ZNF211: variants seen among roughly 807,000 people sequenced by gnomAD.
ZNF211 encodes zinc finger protein 211, also known as zinc finger protein C2H2-25.
In ZNF211, 18 loss-of-function variants were observed where a neutral mutation model predicts 12.1. The ratio of observed to expected loss-of-function variants is 1.48; its 90% CI spans 1.03 to 2.20. The LOEUF is 2.20. Ranked by LOEUF, ZNF211 falls within the 30% of genes most tolerant of loss-of-function variation. ZNF211 has a pLI of 0.00. For synonymous variants in ZNF211, 249 were observed against 246.0 expected, an observed-to-expected ratio of 1.01 and a Z score of -0.11; for missense variants, 677 against 703.1, an observed-to-expected ratio of 0.96 and a Z score of 0.42.
intron 3 of ZNF211, among the ~76,000 whole-genome samples, chr19:57,637,923 G>A (rs1982352660): frequency 6.9e-6 from 1 of 144,072 alleles, no homozygotes; most frequent in Non-Finnish European, 1.5e-5. Context: ...TCTTGAGACA[G>A]AGTATTGCTC....
intron 3 of ZNF211, chr19:57,639,900 T>C (rs1407464251): frequency 3.9e-6 from 6 of 1,531,224 alleles, no homozygotes; most frequent in Non-Finnish European, 5.2e-6. Context: ...ACATGTCCTG[T>C]CTTTCCCTTA....
chr19:57,633,646 A>G (rs899329463), intron 1 of ZNF211: 2 of 1,533,978 alleles, frequency 1.3e-6, no homozygotes, highest in Non-Finnish European at 8.7e-7. Flanking sequence ...GGGGGCATTC[A>G]GGAACCTGGG....
Position 57,633,285 on chromosome 19 carries a change from C to A in ZNF211, c.-62C>A, listed in dbSNP as rs1437131778. On this transcript the variant is annotated 5_prime_UTR_variant, in exon 1 of 4. Transcript: ENST00000240731. ...GGATCGAAGTGACGGACCGTGAAGGCGCGAGAGTCAGGTCTGAGGGTCGGG... is the reference window on the plus strand; with the variant it reads ...GGATCGAAGTGACGGACCGTGAAGGAGCGAGAGTCAGGTCTGAGGGTCGGG... The A allele has an allele frequency of 4.2e-6, 6 of 1,416,346 alleles. No individual in the cohort carries two copies. The East Asian group carries it at 1.3e-4, about 30-fold the overall frequency. The allele number at this position is 1,416,346 out of a possible 1,614,324, so 87.7% of individuals were successfully genotyped here.
Position 57,642,195 on chromosome 19 carries a change from A to G in ZNF211, c.*14A>G. ...GAAAAGCCTTAGCTGTACTGAGAAT[A>G]TGCAATTTCCTTTTAGTGTAATTAT... On this transcript the variant is annotated 3_prime_UTR_variant, in exon 4 of 4. Transcript: ENST00000240731. The G allele has an allele frequency of 4.4e-6, 7 of 1,573,958 alleles. No individual in the cohort carries two copies. Among genetic ancestry groups the G allele is most frequent in the Non-Finnish European group, 6.0e-6 (7 of 1,159,764 alleles).
At chr19:57,638,006 C>G (rs1310016624) in intron 3 of ZNF211, among the ~76,000 whole-genome samples, 1 of 150,100 alleles carries the variant, frequency 6.7e-6, no homozygotes, top group East Asian at 2.0e-4. Context: ...TCAAGCAATT[C>G]TCCTGCCTTG....
At position 57,633,389 on chromosome 19, in the gene ZNF211, C is replaced by G. The variant is rs760193898; in HGVS notation, c.43C>G (p.Leu15Val). The change falls in exon 1 of 4, where the codon CTC (leucine) becomes GTC (valine). Residue 15 changes from leucine (L) to valine (V), a missense_variant. Transcript: ENST00000240731. ...GGGTCGCCCGCAGCTCCCGGTCCAG[C>G]TCCGCCCACAGACTCGGATGGCGAC... Reference protein sequence around the residue: ...PPGRPQLPVQLRPQTRMATAL... With the variant: ...PPGRPQLPVQVRPQTRMATAL... 6.2e-7 allele frequency: 1 copy of G among 1,604,614 alleles called. No individual in the cohort carries two copies. Among genetic ancestry groups the G allele is most frequent in the South Asian group, 1.1e-5 (1 of 90,252 alleles).
chr19:57,640,192 A>G (rs1982709705), intron 3 of ZNF211: 3 of 1,157,122 alleles, frequency 2.6e-6, no homozygotes, highest in Admixed American at 2.9e-5. Flanking sequence ...TATTTCTACT[A>G]CTTGTCATTT....
Position 57,641,844 on chromosome 19 carries a change from A to C in ZNF211, c.1397A>C (p.Tyr466Ser). ...HRKVHTGERP[Y>S]VCGECGKSFS... ...AAAGTCCACACAGGGGAAAGGCCTTATGTGTGTGGGGAATGTGGGAAATCC... is the reference window on the plus strand; with the variant it reads ...AAAGTCCACACAGGGGAAAGGCCTTCTGTGTGTGGGGAATGTGGGAAATCC... Residue 466 changes from tyrosine (Y) to serine (S), a missense_variant, in exon 4 of 4, where the codon TAT becomes TCT. Physicochemically the swap from Tyr to Ser is moderately radical, Grantham distance 144. Transcript: ENST00000240731. 6.2e-7 allele frequency: 1 copy of C among 1,614,128 alleles called. No homozygotes were observed. The highest frequency in any genetic ancestry group is 1.1e-5 in the South Asian group (1 of 91,082).
chr19:57,641,854 G>T lies in ZNF211; in HGVS notation c.1407G>T (p.Gly469=). ...VHTGERPYVC[G]ECGKSFSHSS... is the part of the protein sequence containing the mutation. ...CAGGGGAAAGGCCTTATGTGTGTGG[G>T]GAATGTGGGAAATCCTTTAGCCATA... Residue 469 remains glycine, a synonymous_variant, in exon 4 of 4, where the codon GGG becomes GGT. Transcript: ENST00000240731. 1.2e-6 allele frequency: 2 copies of T among 1,613,206 alleles called. No homozygotes were observed.
intron 2 of ZNF211, 22 bp downstream of exon 2, chr19:57,634,083 C>T: frequency 6.4e-7 from 1 of 1,552,226 alleles, no homozygotes; most frequent in South Asian, 1.3e-5. Context: ...TATCTCAGCC[C>T]CTCACTGGTC....
Position 57,633,364 on chromosome 19 carries a change from G to A in ZNF211, c.18G>A (p.Pro6=). The change falls in exon 1 of 4, where the codon CCG becomes CCA. Residue 6 remains proline (P), a synonymous_variant. Coordinates refer to ENST00000240731, the MANE Select transcript of ZNF211 (RefSeq NM_006385.5). MLGFP[P]GRPQLPVQLR... is the part of the protein sequence containing the mutation. ...GGATAGCGATGCTCGGGTTCCCCCCGGGTCGCCCGCAGCTCCCGGTCCAGC... is the reference window on the plus strand; with the variant it reads ...GGATAGCGATGCTCGGGTTCCCCCCAGGTCGCCCGCAGCTCCCGGTCCAGC... 6.3e-7 allele frequency: 1 copy of A among 1,597,826 alleles called. No individual in the cohort carries two copies. Among genetic ancestry groups the A allele is most frequent in the Non-Finnish European group, 8.5e-7 (1 of 1,175,396 alleles).
rs751535019 is a variant in ZNF211 at position 57,633,858 on chromosome 19, AAGGCCACACAACTGGTGAG to A, written c.91-160_91-142del. 8.7e-6 allele frequency: 14 copies of A among 1,602,908 alleles called. No homozygotes were observed. In the Admixed American group the frequency reaches 2.2e-4, roughly 25 times the overall value. Reference sequence around the variant, plus strand: ...GCAGAGGGAGGTTGAATATTTTTCCAAGGCCACACAACTGGTGAGAGGCAGCACTAAGGACCGAGGCGCA... The same window carrying A: ...GCAGAGGGAGGTTGAATATTTTTCCAAGGCAGCACTAAGGACCGAGGCGCA... On this transcript the variant is annotated intron_variant, in intron 1 of 3. Coordinates refer to ENST00000240731, the MANE Select transcript of ZNF211 (RefSeq NM_006385.5).
Position 57,634,230 on chromosome 19 carries a change from A to G in ZNF211, c.129+169A>G, listed in dbSNP as rs148239186. On this transcript the variant is annotated intron_variant, in intron 2 of 3. Transcript: ENST00000240731. ...AGCTAAGGGCCCTGAGTCCAGGCCA[A>G]TGTTTCCATTTGGAGCAGCCAATGG... 1.2e-3 allele frequency: 832 copies of G among 668,206 alleles called. 8 individuals are homozygous for G. Among genetic ancestry groups the G allele is most frequent in the East Asian group, 9.2e-4 (31 of 33,588 alleles). The allele number at this position is 668,206 out of a possible 1,614,324, so 41.4% of individuals were successfully genotyped here. A position where few individuals can be genotyped will look rare whatever the true frequency, so the allele number is the denominator to read the frequency against.
intron 3 of ZNF211, among the ~76,000 whole-genome samples, chr19:57,639,402 T>C (rs559807055): frequency 9.5e-6 from 1 of 104,722 alleles, no homozygotes; most frequent in Non-Finnish European, 2.1e-5. Context: ...TCATTTCCTT[T>C]ATGTACTTTT....
intron 1 of ZNF211, chr19:57,633,752 A>G (rs1981762884): frequency 3.3e-6 from 5 of 1,534,300 alleles, no homozygotes; most frequent in South Asian, 1.2e-5. Context: ...AACGAGAGAC[A>G]CCATCTGAGT....
chr19:57,641,219 G>T lies in ZNF211; in HGVS notation c.772G>T (p.Val258Phe). 6.2e-7 allele frequency: 1 copy of T among 1,614,224 alleles called. No individual in the cohort carries two copies. Among genetic ancestry groups the T allele is most frequent in the Non-Finnish European group, 8.5e-7 (1 of 1,180,042 alleles). ...AGCCTTTAGCCACATAGACACACTT[G>T]TTCAGGACCAGAGAATCCTCACTAG... Reference protein sequence around the residue: ...SKAFSHIDTLVQDQRILTREG... With the variant: ...SKAFSHIDTLFQDQRILTREG... Residue 258 changes from valine (V) to phenylalanine (F), a missense_variant, in exon 4 of 4, where the codon GTT becomes TTT. Coordinates refer to ENST00000240731, the MANE Select transcript of ZNF211 (RefSeq NM_006385.5).
At chr19:57,639,392 TCA>T in intron 3 of ZNF211, among the ~76,000 whole-genome samples, 1 of 133,044 alleles carries the variant, frequency 7.5e-6, no homozygotes, top group Non-Finnish European at 1.6e-5. Context: ...ACTTCCCTTG[TCA>T]TTTCCTTTAT....
chr19:57,637,414 T>G (rs1982278567), intron 3 of ZNF211, among the ~76,000 whole-genome samples: 1 of 152,112 alleles, frequency 6.6e-6, no homozygotes, highest in Non-Finnish European at 1.5e-5. Context: ...GTGCATCAGC[T>G]GAGATGATCG....
At chr19:57,639,989 A>G in intron 3 of ZNF211, 1 of 1,536,008 alleles carries the variant, frequency 6.5e-7, no homozygotes. Context: ...CAGGATGTTC[A>G]TGACTCCAGC....
Sources: allele counts gnomAD v4.1 joint callset (sites outside exome capture counted in the v4.1 genomes callset), GRCh38; gene constraint gnomAD v4.1.1; transcripts MANE v1.5; gene names NCBI Gene and HGNC (gene_info 2026-07-23, HGNC 2026-07-21).